Variants in GCSH observed in about 807,000 individuals in gnomAD.
The protein encoded by GCSH is glycine cleavage system protein H.
In GCSH, 15 loss-of-function variants were observed where a neutral mutation model predicts 21.3. The ratio of observed to expected loss-of-function variants is 0.70; its 90% CI spans 0.47 to 1.08. The LOEUF is 1.08. GCSH is among the 50% of genes least tolerant of loss of function. The pLI is 0.00. For synonymous variants in GCSH, 59 were observed against 84.5 expected (o/e 0.70, Z 1.66); for missense variants, 179 against 217.5 (o/e 0.82, Z 1.11).
At chr16:81,094,450 A>G (rs897651429) in intron 1 of GCSH, among the ~76,000 whole-genome samples, 8 of 151,788 alleles carry the variant, frequency 5.3e-5, no homozygotes, top group African/African-American at 1.9e-4. Flanking sequence ...GGTTGCAGTG[A>G]GCCAAGATCC....
At chr16:81,084,346 A>G (rs944434094) in intron 4 of GCSH, 117 bp downstream of exon 4, 2 of 812,152 alleles carry the variant, frequency 2.5e-6, no homozygotes, top group East Asian at 2.5e-5. Flanking sequence ...GAACATCTCT[A>G]TTTAGTACCA....
At chr16:81,084,675 C>G in intron 3 of GCSH, 81 bp from the exon 4 acceptor site, 1 of 1,006,204 alleles carries the variant, frequency 9.9e-7, no homozygotes, top group Non-Finnish European at 1.5e-6. Flanking sequence ...AAAGTAGATT[C>G]CTGTCATACA....
intron 1 of GCSH, 141 bp downstream of exon 1, chr16:81,095,990 A>G: frequency 1.5e-6 from 1 of 669,790 alleles, no homozygotes; most frequent in Non-Finnish European, 2.1e-6. Flanking sequence ...TCCCAACAGA[A>G]ATAAGAAGGG....
At position 81,084,541 on chromosome 16, in the gene GCSH, AAGG is replaced by A; in HGVS notation, c.343_345del (p.Pro115del). On this transcript the variant is annotated inframe_deletion, in exon 4 of 5. Transcript: ENST00000315467. ...TTAATTTCAGTTACTTCTCCTGATAAAGGAGAATAGAGTTCACTAGCAGCTTTC... is the reference window on the plus strand; with the variant it reads ...TTAATTTCAGTTACTTCTCCTGATAAAGAATAGAGTTCACTAGCAGCTTTC... The A allele has an allele frequency of 1.3e-6, 2 of 1,582,880 alleles. No individual in the cohort carries two copies. The highest frequency in any genetic ancestry group is 1.7e-6 in the Non-Finnish European group (2 of 1,151,550).
rs1330294145 is a variant in GCSH at position 81,086,893 on chromosome 16, GTTTA to G, written c.292+704_292+707del. ...AGAGGTCATCTATTTGACTAGGAAG[GTTTA>G]TTTAAGTGTATACATTTGTTAAAAC... On this transcript the variant is annotated intron_variant, in intron 3 of 4. Coordinates refer to ENST00000315467, the MANE Select transcript of GCSH (RefSeq NM_004483.5). Among the ~76,000 whole-genome samples the G allele has an allele frequency of 7.4e-5, 11 of 147,856 alleles. No individual in the cohort carries two copies. The South Asian group carries it at 8.7e-4, about 12-fold the overall frequency.
intron 1 of GCSH, chr16:81,091,123 A>G (rs1193514285): frequency 2.2e-6 from 1 of 454,086 alleles, no homozygotes; most frequent in African/African-American, 2.0e-5. Flanking sequence ...AAAAAAAATA[A>G]CAGTAATAAT....
chr16:81,093,067 G>A (rs1327979871), intron 1 of GCSH, among the ~76,000 whole-genome samples: 2 of 149,594 alleles, frequency 1.3e-5, no homozygotes, highest in Non-Finnish European at 1.5e-5. Context: ...GGGAGGCGGA[G>A]ATTCCAGTGA....
At chr16:81,088,467 C>G (rs1267037195) in intron 2 of GCSH, among the ~76,000 whole-genome samples, 1 of 152,022 alleles carries the variant, frequency 6.6e-6, no homozygotes, top group Non-Finnish European at 1.5e-5. Flanking sequence ...GGCCTGATCT[C>G]AGCTCACTGC....
intron 1 of GCSH, among the ~76,000 whole-genome samples, chr16:81,091,667 G>C (rs1972399166): frequency 6.6e-6 from 1 of 152,076 alleles, no homozygotes; most frequent in South Asian, 2.1e-4. Flanking sequence ...GTTTTAAAGA[G>C]GCCTCACTGG....
chr16:81,093,681 A>G (rs1196103646), intron 1 of GCSH, among the ~76,000 whole-genome samples: 1 of 151,932 alleles, frequency 6.6e-6, no homozygotes, highest in Non-Finnish European at 1.5e-5. Flanking sequence ...TCTCTACTAA[A>G]ATACAAAAAA....
chr16:81,092,916 G>A (rs1972425112), intron 1 of GCSH, among the ~76,000 whole-genome samples: 1 of 152,072 alleles, frequency 6.6e-6, no homozygotes, highest in African/African-American at 2.4e-5. Flanking sequence ...CGGATCACCT[G>A]ACGTAAGGAG....
At chr16:81,089,151 G>C (rs946044573) in intron 2 of GCSH, among the ~76,000 whole-genome samples, 1 of 152,182 alleles carries the variant, frequency 6.6e-6, no homozygotes, top group Admixed American at 6.6e-5. Flanking sequence ...GTCAACAACA[G>C]ACCACATATA....
In GCSH at chr16:81,085,206, C is replaced by A. The variant is rs987323064; in HGVS notation, c.293-612G>T. On this transcript the variant is annotated intron_variant, in intron 3 of 4. Transcript: ENST00000315467. ...ATTTTTGTATTTTTAGTAGAGACAG[C>A]GTTTCACTGTGTTGGCCAAGCTGGT... 2.0e-5 allele frequency among the ~76,000 whole-genome samples: 3 copies of A among 150,932 alleles called. No homozygotes were observed. The South Asian group carries it at 6.3e-4, about 32-fold the overall frequency.
Position 81,083,178 on chromosome 16 carries a change from T to C in GCSH, c.425-215A>G. On this transcript the variant is annotated intron_variant, in intron 4 of 4. Coordinates refer to ENST00000315467, the MANE Select transcript of GCSH (RefSeq NM_004483.5). ...ATGGCTAGAATAGATTCCACCATAA[T>C]AAATTAAGAACTCTTAGGTTGTAAT... The C allele has an allele frequency of 5.3e-6, 3 of 571,164 alleles. No homozygotes were observed. The South Asian group carries it at 6.1e-5, about 12-fold the overall frequency. The allele number at this position is 571,164 out of a possible 1,614,324, so 35.4% of individuals were successfully genotyped here.
intron 3 of GCSH, among the ~76,000 whole-genome samples, 174 bp downstream of exon 3, chr16:81,087,427 G>T (rs1972305920): frequency 6.6e-6 from 1 of 151,868 alleles, no homozygotes; most frequent in Admixed American, 6.6e-5. Context: ...TAACCCAGGA[G>T]GCAGAGGTTA....
At position 81,093,650 on chromosome 16, in the gene GCSH, G is replaced by A. The variant is rs78517009; in HGVS notation, c.148+2481C>T. On this transcript the variant is annotated intron_variant, in intron 1 of 4. Coordinates refer to ENST00000315467, the MANE Select transcript of GCSH (RefSeq NM_004483.5). The stretch of plus-strand genomic sequence containing the variant: ...GAGATCAGGAGTTCAAGACCACCCT[G>A]GCCAACATGGTGAAACCCCGTCTCT... 0.019 allele frequency among the ~76,000 whole-genome samples: 2,894 copies of A among 152,074 alleles called. 172 individuals carry two copies. In the East Asian group the frequency reaches 0.19, roughly 10 times the overall value.
rs1029297241 is a variant in GCSH, at chr16:81,096,357, G to A, written c.-79C>T. 2.0e-4 allele frequency: 226 copies of A among 1,128,714 alleles called. No homozygotes were observed. In the African/African-American group the frequency reaches 3.5e-3, roughly 17 times the overall value. 69.9% of individuals were successfully genotyped at this position (1,128,714 alleles called of 1,614,324 possible). On this transcript the variant is annotated 5_prime_UTR_variant, in exon 1 of 5. Transcript: ENST00000315467. ...GGCGGGGCGGGGAGGGGCAGTTCGC[G>A]GCCGGAGGGAGCCGGCTGGATGGAG...
At chr16:81,092,986 G>C (rs1397664883) in intron 1 of GCSH, among the ~76,000 whole-genome samples, 1 of 152,068 alleles carries the variant, frequency 6.6e-6, no homozygotes, top group Non-Finnish European at 1.5e-5. Context: ...ACAAAAATTA[G>C]CCAGGTGTAG....
intron 2 of GCSH, among the ~76,000 whole-genome samples, chr16:81,090,251 C>T (rs1201639160): frequency 1.3e-5 from 2 of 151,976 alleles, no homozygotes; most frequent in South Asian, 2.1e-4. Context: ...CCACCAAGAC[C>T]AGCTAATTTT....
Sources: gnomAD v4.1 joint callset for allele counts (sites outside exome capture counted in the v4.1 genomes callset) on GRCh38, gnomAD v4.1.1 for gene constraint, MANE v1.5 for transcripts, NCBI Gene and HGNC (gene_info 2026-07-23, HGNC 2026-07-21) for gene names.